Variants in FAM185A observed in about 807,000 individuals in gnomAD.
FAM185A encodes the protein family with sequence similarity 185 member A.
A neutral mutation model predicts 45.7 loss-of-function variants in FAM185A; 21 were observed. That is an observed-to-expected ratio of 0.46 (90% CI 0.33 to 0.66). The LOEUF (loss-of-function observed/expected upper bound fraction) is 0.66. Among genes scored for constraint, FAM185A ranks in the 30% least tolerant of loss-of-function variants. FAM185A has a pLI of 0.03. For synonymous variants in FAM185A, 117 were observed against 194.0 expected, an observed-to-expected ratio of 0.60 and a Z score of 3.30; for missense variants, 305 against 485.4, an observed-to-expected ratio of 0.63 and a Z score of 3.49.
intron 1 of FAM185A, 144 bp downstream of exon 1, chr7:102,749,802 C>T: frequency 7.1e-7 from 1 of 1,405,286 alleles, no homozygotes; most frequent in Non-Finnish European, 9.4e-7. Context: ...ACCTTTTCCT[C>T]TGTTCTGTTC....
chr7:102,792,927 A>G (rs1462590251), intron 7 of FAM185A, among the ~76,000 whole-genome samples: 1 of 152,216 alleles, frequency 6.6e-6, no homozygotes, highest in Non-Finnish European at 1.5e-5. Flanking sequence ...AAAAATCTAG[A>G]GACACTGTTT....
chr7:102,832,304 G>C, the FAM185A span, among the ~76,000 whole-genome samples: 1 of 152,196 alleles, frequency 6.6e-6, no homozygotes, highest in East Asian at 1.9e-4. Context: ...CCTACCTGGA[G>C]AATTCTATAG....
chr7:102,751,976 G>A (rs1196104487), intron 2 of FAM185A, among the ~76,000 whole-genome samples, 175 bp downstream of exon 2: 3 of 151,230 alleles, frequency 2.0e-5, no homozygotes, highest in Non-Finnish European at 2.9e-5. Flanking sequence ...AAAGTACAGA[G>A]GTTATAGCAG....
chr7:102,834,882 G>A, the FAM185A span, among the ~76,000 whole-genome samples: 1 of 85,444 alleles, frequency 1.2e-5, no homozygotes, highest in Non-Finnish European at 2.3e-5. Context: ...TCCACAATGT[G>A]TGTGTGTGTG....
At chr7:102,809,743 A>G (rs1385963734), downstream of FAM185A, among the ~76,000 whole-genome samples, 1 of 152,150 alleles carries the variant, frequency 6.6e-6, no homozygotes, top group Non-Finnish European at 1.5e-5. Context: ...ATATAATACT[A>G]TAACTATACT....
chr7:102,820,453 C>A, the FAM185A span, among the ~76,000 whole-genome samples: 2 of 152,128 alleles, frequency 1.3e-5, no homozygotes, highest in Non-Finnish European at 2.9e-5. Flanking sequence ...TCTTACTATG[C>A]CTTGTTTTAT....
Position 102,761,352 on chromosome 7 carries a change from A to G in FAM185A, c.734A>G (p.Tyr245Cys). 6.5e-7 allele frequency: 1 copy of G among 1,545,830 alleles called. No individual in the cohort carries two copies. Among genetic ancestry groups the G allele is most frequent in the African/African-American group, 1.4e-5 (1 of 72,730 alleles). Reference sequence around the variant, plus strand: ...GGTTTGCTGAAAGCCAAGTATCTTTATACAGAATCATCATTTCTGTCTTCT... The same window carrying G: ...GGTTTGCTGAAAGCCAAGTATCTTTGTACAGAATCATCATTTCTGTCTTCT... ...EDGLLKAKYL[Y>C]TESSFLSSAA... Residue 245 changes from tyrosine (Y) to cysteine (C), a missense_variant, in exon 4 of 8, where the codon TAT becomes TGT. Physicochemically the swap from Tyr to Cys is radical, Grantham distance 194. This residue lies in a region of FAM185A where 44 missense variants were observed against 66.8 expected (regional missense o/e 0.66). Coordinates refer to ENST00000413034, the MANE Select transcript of FAM185A (RefSeq NM_001145268.2).
At chr7:102,825,956 A>T in the FAM185A span, among the ~76,000 whole-genome samples, 100 of 152,318 alleles carry the variant, frequency 6.6e-4, 3 homozygotes, top group South Asian at 0.019. Context: ...AAAGGAGAAC[A>T]TGTATGTGAC....
At chr7:102,768,761 T>C (rs1481984178) in intron 4 of FAM185A, among the ~76,000 whole-genome samples, 2 of 152,204 alleles carry the variant, frequency 1.3e-5, no homozygotes, top group African/African-American at 2.4e-5. Context: ...ATCTATTTTC[T>C]CAAATACTGG....
At chr7:102,836,315 G>T in the FAM185A span, among the ~76,000 whole-genome samples, 4 of 152,142 alleles carry the variant, frequency 2.6e-5, no homozygotes, top group African/African-American at 9.7e-5. Context: ...GCAGATTGGC[G>T]AACTAAAGTC....
the FAM185A span, among the ~76,000 whole-genome samples, chr7:102,845,661 A>C: frequency 6.6e-6 from 1 of 152,128 alleles, no homozygotes; most frequent in East Asian, 1.9e-4. Context: ...ATGTTCTCTA[A>C]TCCATTTCCT....
downstream of FAM185A, among the ~76,000 whole-genome samples, chr7:102,809,443 C>T (rs1797308596): frequency 6.6e-6 from 1 of 152,012 alleles, no homozygotes; most frequent in Admixed American, 6.6e-5. Flanking sequence ...GACTGTAATC[C>T]CAGCAGTTTG....
intron 3 of FAM185A, among the ~76,000 whole-genome samples, chr7:102,758,270 G>T (rs138306190): frequency 0.083 from 12,635 of 151,728 alleles, 617 homozygotes; most frequent in East Asian, 0.2. Flanking sequence ...AATATCACCA[G>T]TAACTGGATT....
chr7:102,817,346 C>A, the FAM185A span, among the ~76,000 whole-genome samples: 1 of 152,048 alleles, frequency 6.6e-6, no homozygotes, highest in Non-Finnish European at 1.5e-5. Flanking sequence ...TTTTGCATTT[C>A]TCTGATGATT....
At chr7:102,849,661 G>A in the FAM185A span, among the ~76,000 whole-genome samples, 2 of 152,114 alleles carry the variant, frequency 1.3e-5, no homozygotes, top group African/African-American at 4.8e-5. Flanking sequence ...AAGGAATTGT[G>A]AAATTAGTTT....
At chr7:102,813,467 G>T, downstream of FAM185A, 1 of 1,614,176 alleles carries the variant, frequency 6.2e-7, no homozygotes, top group Non-Finnish European at 8.5e-7. Context: ...CCAAACCAAC[G>T]TGGAGGGTCA....
intron 7 of FAM185A, among the ~76,000 whole-genome samples, chr7:102,804,799 A>C (rs1291122006): frequency 6.6e-6 from 1 of 152,242 alleles, no homozygotes; most frequent in Non-Finnish European, 1.5e-5. Context: ...CAAAGGACTA[A>C]TATCCAGAAT....
At chr7:102,839,467 C>G in the FAM185A span, among the ~76,000 whole-genome samples, 3 of 152,180 alleles carry the variant, frequency 2.0e-5, no homozygotes, top group African/African-American at 4.8e-5. Context: ...TCCCACCTGA[C>G]GAGAAATACC....
At chr7:102,830,900 A>T in the FAM185A span, among the ~76,000 whole-genome samples, 2 of 152,206 alleles carry the variant, frequency 1.3e-5, no homozygotes, top group African/African-American at 4.8e-5. Flanking sequence ...GTTGATCAAT[A>T]TCTTCCACTT....
Sources: gnomAD v4.1 joint callset for allele counts (sites outside exome capture counted in the v4.1 genomes callset) on GRCh38, gnomAD v4.1.1 for gene constraint, gnomAD v4.1.1 regional missense constraint, MANE v1.5 for transcripts, NCBI Gene and HGNC (gene_info 2026-07-23, HGNC 2026-07-21) for gene names.